Variants in SIN3B observed in about 807,000 individuals in gnomAD.
SIN3B encodes the protein paired amphipathic helix protein Sin3b.
In SIN3B, 19 loss-of-function variants were observed where a neutral mutation model predicts 120.2. The observed-to-expected ratio is 0.16, with a 90% confidence interval of 0.11 to 0.23. The LOEUF (loss-of-function observed/expected upper bound fraction) is 0.23. SIN3B is among the 10% of genes least tolerant of loss of function. SIN3B has a pLI of 1.00. For synonymous variants in SIN3B, 654 were observed against 653.2 expected, an observed-to-expected ratio of 1.00 and a Z score of -0.02; for missense variants, 1,073 against 1,573.0, an observed-to-expected ratio of 0.68 and a Z score of 5.38.
At chr19:16,829,628 G>T in intron 1 of SIN3B, 88 bp downstream of exon 1, 2 of 826,018 alleles carry the variant, frequency 2.4e-6, no homozygotes, top group Non-Finnish European at 2.9e-6. Flanking sequence ...CCCGGCCCCA[G>T]CCCCACCTCG....
chr19:16,871,024 C>T (rs182104918), intron 13 of SIN3B, among the ~76,000 whole-genome samples: 120 of 152,356 alleles, frequency 7.9e-4, no homozygotes, highest in Admixed American at 2.6e-3. Context: ...CCTGGGTTGC[C>T]GGCCAGATTA....
intron 17 of SIN3B, 74 bp from the exon 18 acceptor site, chr19:16,878,109 G>A: frequency 7.7e-7 from 1 of 1,292,452 alleles, no homozygotes; most frequent in South Asian, 1.5e-5. Context: ...CCAGGCCTGG[G>A]GGTTTCCCAG....
At chr19:16,835,682 G>A (rs1436888876) in intron 3 of SIN3B, among the ~76,000 whole-genome samples, 1 of 151,836 alleles carries the variant, frequency 6.6e-6, no homozygotes, top group Non-Finnish European at 1.5e-5. Context: ...ACCACACCCA[G>A]CTAATTTTTG....
intron 6 of SIN3B, among the ~76,000 whole-genome samples, chr19:16,852,386 C>T (rs1328338387): frequency 1.3e-5 from 2 of 152,220 alleles, no homozygotes; most frequent in South Asian, 2.1e-4. Context: ...CCTCAGCCTT[C>T]CAAGTAGCTG....
intron 5 of SIN3B, among the ~76,000 whole-genome samples, chr19:16,848,616 C>T (rs1044767823): frequency 6.6e-6 from 1 of 152,166 alleles, no homozygotes; most frequent in Non-Finnish European, 1.5e-5. Flanking sequence ...ATCCTCCCAC[C>T]TCAGCCTCCT....
At position 16,876,163 on chromosome 19, in the gene SIN3B, G is replaced by T; in HGVS notation, c.2701G>T (p.Ala901Ser). 6.2e-7 allele frequency: 1 copy of T among 1,613,130 alleles called. No individual in the cohort carries two copies. ...GAACCTGTCCTCCCGCTGCGTCCGCGCTGCTAGGGAGACCAGCTACCAGTG... is the reference window on the plus strand; with the variant it reads ...GAACCTGTCCTCCCGCTGCGTCCGCTCTGCTAGGGAGACCAGCTACCAGTG... ...GGNLSSRCVR[A>S]ARETSYQWKA... The change falls in exon 15 of 19, where the codon GCT (alanine) becomes TCT (serine). Residue 901 changes from alanine to serine, a missense_variant. Transcript: ENST00000248054. The surrounding 1 kb of genome is among the most constrained non-coding windows in gnomAD (Gnocchi z 7.1).
At chr19:16,849,685 C>T (rs1399643078) in intron 5 of SIN3B, among the ~76,000 whole-genome samples, 1 of 152,214 alleles carries the variant, frequency 6.6e-6, no homozygotes, top group Non-Finnish European at 1.5e-5. Context: ...GCTTGGTGAG[C>T]TTGGCTGGAC....
At chr19:16,873,624 A>G (rs2051542294) in intron 14 of SIN3B, among the ~76,000 whole-genome samples, 1 of 150,668 alleles carries the variant, frequency 6.6e-6, no homozygotes. Flanking sequence ...TATGGAAAGC[A>G]TTGATTAATG....
At position 16,862,484 on chromosome 19, in the gene SIN3B, A is replaced by G; in HGVS notation, c.1191A>G (p.Ile397Met). 1 of 1,614,208 alleles carries G rather than the reference A, an allele frequency of 6.2e-7. No individual in the cohort carries two copies. The highest frequency in any genetic ancestry group is 8.5e-7 in the Non-Finnish European group (1 of 1,180,032). The change falls in exon 9 of 19, where the codon ATA becomes ATG. Residue 397 changes from isoleucine to methionine, a missense_variant. Physicochemically the swap from Ile to Met is conservative, Grantham distance 10 (BLOSUM62 1). Transcript: ENST00000248054. This position sits in a 1 kb window ranked among gnomAD's most constrained non-coding sequence, Gnocchi z 4.7. The part of the protein sequence containing the change: ...REIDYASCKR[I>M]GSSYRALPKT... The stretch of plus-strand genomic sequence containing the variant: ...TTGATTATGCATCCTGCAAGCGCAT[A>G]GGATCCAGCTACCGGGCACTCCCCA...
chr19:16,829,658 C>T (rs1207708447), intron 1 of SIN3B, 118 bp downstream of exon 1: 1 of 1,266,972 alleles, frequency 7.9e-7, no homozygotes, highest in South Asian at 1.5e-5. Flanking sequence ...CTGCACTGCC[C>T]CGGACCCCTC....
At chr19:16,833,861 T>C (rs1971311207) in intron 3 of SIN3B, among the ~76,000 whole-genome samples, 1 of 151,666 alleles carries the variant, frequency 6.6e-6, no homozygotes, top group Non-Finnish European at 1.5e-5. Context: ...GTAGCTGGGA[T>C]TACAGGCACG....
rs2144595107 is a variant in SIN3B at position 16,851,507 on chromosome 19, C to T, written c.822C>T (p.Leu274=). The part of the protein sequence containing the change: ...EHSRKRSRPS[L]LRPVSAPAKK... Reference sequence around the variant, plus strand: ...GCAGGAAGCGCTCCCGGCCCTCGCTCCTCCGCCCCGTGTCTGCACCCGCCA... The same window carrying T: ...GCAGGAAGCGCTCCCGGCCCTCGCTTCTCCGCCCCGTGTCTGCACCCGCCA... The change falls in exon 6 of 19, where the codon CTC becomes CTT. Residue 274 remains leucine (L), a synonymous_variant. Coordinates refer to ENST00000248054, the MANE Select transcript of SIN3B (RefSeq NM_001297595.2). 1.9e-6 allele frequency: 3 copies of T among 1,606,516 alleles called. No individual in the cohort carries two copies. The highest frequency in any genetic ancestry group is 1.3e-5 in the African/African-American group (1 of 74,796).
rs909257076 is a variant in SIN3B, at chr19:16,880,124, C to T, written c.*1397C>T. On this transcript the variant is annotated 3_prime_UTR_variant, in exon 19 of 19. Transcript: ENST00000248054. ...GAACTTGCCATCAAGATTCCTGTAC[C>T]AGGCCCACGGCCGTCTCGGGCAGAG... 1.3e-5 allele frequency: 2 copies of T among 152,246 alleles called. No individual in the cohort carries two copies. Among genetic ancestry groups the T allele is most frequent in the African/African-American group, 4.8e-5 (2 of 41,438 alleles). The allele number at this position is 152,246 out of a possible 1,614,324, so 9.4% of individuals were successfully genotyped here. A position where few individuals can be genotyped will look rare whatever the true frequency, so the allele number is the denominator to read the frequency against.
At position 16,855,445 on chromosome 19, in the gene SIN3B, G is replaced by C. The variant is rs1388449936; in HGVS notation, c.1058+1184G>C. 3 of 141,282 alleles carry C rather than the reference G, an allele frequency of 2.1e-5. No individual in the cohort carries two copies. In the Admixed American group the frequency reaches 2.4e-4, roughly 11 times the overall value. 8.8% of individuals were successfully genotyped at this position (141,282 alleles called of 1,614,324 possible). A position where few individuals can be genotyped will look rare whatever the true frequency, so the allele number is the denominator to read the frequency against. ...TTTTAAAAATTCTAACACTTGGGCC[G>C]GGTGCGGTGGCTCGTGTGTAATCCC... On this transcript the variant is annotated intron_variant, in intron 8 of 18. Coordinates refer to ENST00000248054, the MANE Select transcript of SIN3B (RefSeq NM_001297595.2).
chr19:16,851,349 A>G (rs1212199031), intron 5 of SIN3B, 63 bp from the exon 6 acceptor site: 2 of 1,496,312 alleles, frequency 1.3e-6, no homozygotes, highest in Non-Finnish European at 1.8e-6. Flanking sequence ...GCAGCTCTGC[A>G]TGCTCAGGTG....
chr19:16,862,247 A>T lies in SIN3B; in HGVS notation c.1059-105A>T, dbSNP rs1459552671. 1.2e-6 allele frequency: 1 copy of T among 855,216 alleles called. No individual in the cohort carries two copies. The highest frequency in any genetic ancestry group is 1.7e-5 in the African/African-American group (1 of 59,572). 53.0% of individuals were successfully genotyped at this position (855,216 alleles called of 1,614,324 possible). ...TTCGCATCCATGATGTTGAATTCTG[A>T]CTCTGTTTAACTTGTAATGTCCACA... On this transcript the variant is annotated intron_variant, in intron 8 of 18. Coordinates refer to ENST00000248054, the MANE Select transcript of SIN3B (RefSeq NM_001297595.2). This position sits in a 1 kb window ranked among gnomAD's most constrained non-coding sequence, Gnocchi z 4.7.
At position 16,878,583 on chromosome 19, in the gene SIN3B, G is replaced by T. The variant is rs779617659; in HGVS notation, c.3249G>T (p.Ala1083=). ...RWLEDNVTVE[A]ASLVQDWLMG... The stretch of plus-strand genomic sequence containing the variant: ...TGGAGGACAATGTGACGGTGGAGGC[G>T]GCTAGCCTGGTGCAGGACTGGCTGA... Residue 1083 remains alanine (A), a synonymous_variant, in exon 19 of 19, where the codon GCG becomes GCT. Transcript: ENST00000248054. 1 of 1,610,486 alleles carries T rather than the reference G, an allele frequency of 6.2e-7. No individual in the cohort carries two copies. Among genetic ancestry groups the T allele is most frequent in the African/African-American group, 1.3e-5 (1 of 74,880 alleles).
rs1284001332 is a variant in SIN3B at position 16,878,410 on chromosome 19, C to T, written c.3162+20C>T. The T allele has an allele frequency of 8.1e-6, 13 of 1,604,840 alleles. No individual in the cohort carries two copies. Among genetic ancestry groups the T allele is most frequent in the Admixed American group, 6.8e-5 (4 of 59,034 alleles). On this transcript the variant is annotated intron_variant, in intron 18 of 18. Transcript: ENST00000248054. ...AAGCAGGTGCCAGGGGAGGCCTGGG[C>T]TGCCCCGACATGCCCCTCCTCACCC...
At chr19:16,867,256 G>T (rs552655602) in intron 12 of SIN3B, among the ~76,000 whole-genome samples, 5 of 152,326 alleles carry the variant, frequency 3.3e-5, no homozygotes, top group Middle Eastern at 6.8e-3. Flanking sequence ...GATTTTACCA[G>T]TGGGGAAACT....
Sources: allele counts gnomAD v4.1 joint callset (sites outside exome capture counted in the v4.1 genomes callset), GRCh38; gene constraint gnomAD v4.1.1; non-coding constraint Gnocchi (gnomAD v3.1); transcripts MANE v1.5; gene names NCBI Gene and HGNC (gene_info 2026-07-23, HGNC 2026-07-21).